CTNNA3: variants seen among roughly 807,000 people sequenced by gnomAD.
CTNNA3 encodes the protein catenin alpha-3.
Under a neutral mutation model 95.7 loss-of-function variants are expected in CTNNA3, and 76 were observed. The ratio of observed to expected loss-of-function variants is 0.79; its 90% CI spans 0.66 to 0.96. The LOEUF is 0.96. CTNNA3 is among the 40% of genes least tolerant of loss of function. CTNNA3 has a pLI of 0.00. For missense variants in CTNNA3, 1,191 were observed against 1,089.8 expected (o/e 1.09, Z -1.31); for synonymous variants, 431 against 374.4 (o/e 1.15, Z -1.74).
chr10:66,843,255 G>C (rs1175550928), intron 7 of CTNNA3, among the ~76,000 whole-genome samples: 1 of 152,062 alleles, frequency 6.6e-6, no homozygotes, highest in Admixed American at 6.6e-5. Context: ...GATCACAGGG[G>C]ATCAGTAGTT....
intron 13 of CTNNA3, among the ~76,000 whole-genome samples, chr10:66,179,662 C>G (rs981639362): frequency 2.0e-5 from 3 of 152,044 alleles, no homozygotes; most frequent in Admixed American, 2.0e-4. Context: ...CAAAGGAAAG[C>G]TCTTCTAGGT....
chr10:66,525,087 A>G (rs908441884), intron 10 of CTNNA3, among the ~76,000 whole-genome samples: 1 of 152,000 alleles, frequency 6.6e-6, no homozygotes, highest in Non-Finnish European at 1.5e-5. Flanking sequence ...AAAGAAAGAC[A>G]AAAATAAACA....
chr10:66,741,340 C>A (rs1849319711), intron 9 of CTNNA3, among the ~76,000 whole-genome samples: 1 of 152,030 alleles, frequency 6.6e-6, no homozygotes, highest in Non-Finnish European at 1.5e-5. Context: ...GCAGGTAAGT[C>A]AAAATACAAA....
chr10:66,075,331 T>A (rs1262733181), intron 14 of CTNNA3, among the ~76,000 whole-genome samples: 4 of 151,768 alleles, frequency 2.6e-5, no homozygotes, highest in Non-Finnish European at 5.9e-5. Flanking sequence ...CAGACCACCA[T>A]TCAAATTCCA....
intron 5 of CTNNA3, among the ~76,000 whole-genome samples, chr10:67,439,915 G>T (rs757745223): frequency 6.6e-6 from 1 of 152,158 alleles, no homozygotes; most frequent in Non-Finnish European, 1.5e-5. Context: ...CCAGCTGTGG[G>T]AACTATGGTG....
chr10:65,929,852 C>T lies in CTNNA3; in HGVS notation c.2401-9235G>A, dbSNP rs545841500. ...AAAGTGTTAGGATACAGGTGTGAGC[C>T]ACCGTGCCTGGCCAAAGCTATAGCT... On this transcript the variant is annotated intron_variant, in intron 17 of 17. Coordinates refer to ENST00000433211, the MANE Select transcript of CTNNA3 (RefSeq NM_013266.4). Among the ~76,000 whole-genome samples the T allele has an allele frequency of 2.0e-5, 3 of 152,232 alleles. No homozygotes were observed. The South Asian group carries it at 6.2e-4, about 32-fold the overall frequency.
At chr10:66,698,710 C>G (rs1847847172) in intron 9 of CTNNA3, among the ~76,000 whole-genome samples, 1 of 152,080 alleles carries the variant, frequency 6.6e-6, no homozygotes, top group South Asian at 2.1e-4. Flanking sequence ...ATATCAGGCC[C>G]TAAAGCCTAT....
At chr10:67,349,398 T>C (rs940401799) in intron 5 of CTNNA3, among the ~76,000 whole-genome samples, 2 of 152,138 alleles carry the variant, frequency 1.3e-5, no homozygotes, top group Non-Finnish European at 1.5e-5. Flanking sequence ...TTCTGCAATA[T>C]ATGACACCAG....
intron 10 of CTNNA3, among the ~76,000 whole-genome samples, chr10:66,564,868 G>A (rs1842658262): frequency 6.6e-6 from 1 of 152,154 alleles, no homozygotes; most frequent in Admixed American, 6.6e-5. Flanking sequence ...TTTTTCAAGT[G>A]AAAGAAATGA....
chr10:65,964,223 G>C (rs2077911197), intron 17 of CTNNA3, among the ~76,000 whole-genome samples: 1 of 152,184 alleles, frequency 6.6e-6, no homozygotes. Flanking sequence ...AGAGATTAAA[G>C]TAAGTGTGCT....
At chr10:67,480,031 C>T (rs191980438) in intron 5 of CTNNA3, among the ~76,000 whole-genome samples, 142 of 151,802 alleles carry the variant, frequency 9.4e-4, no homozygotes, top group Non-Finnish European at 1.8e-3. Context: ...AAGATTGAAT[C>T]GGGAAGAGAT....
At chr10:67,154,477 G>C (rs1161130802) in intron 7 of CTNNA3, among the ~76,000 whole-genome samples, 2 of 152,120 alleles carry the variant, frequency 1.3e-5, no homozygotes, top group African/African-American at 4.8e-5. Context: ...TCCAATAAGA[G>C]CTTTGCCTTT....
At chr10:67,212,932 C>T (rs1214785845) in intron 6 of CTNNA3, among the ~76,000 whole-genome samples, 2 of 151,818 alleles carry the variant, frequency 1.3e-5, no homozygotes, top group Admixed American at 6.6e-5. Flanking sequence ...CATCGTTTCA[C>T]ACTTGCTTCA....
In CTNNA3 at chr10:66,711,883, G is replaced by A. The variant is rs183760779; in HGVS notation, c.1281+54381C>T. ...CTATACCCAAACCTTACTTTCAAAA[G>A]TTCTTACCTTTCTTGTGTTTTTACT... On this transcript the variant is annotated intron_variant, in intron 9 of 17. Coordinates refer to ENST00000433211, the MANE Select transcript of CTNNA3 (RefSeq NM_013266.4). Among the ~76,000 whole-genome samples, 30 of 152,108 alleles carry A rather than the reference G, an allele frequency of 2.0e-4. No individual in the cohort carries two copies. In the East Asian group the frequency reaches 4.5e-3, roughly 23 times the overall value.
intron 13 of CTNNA3, among the ~76,000 whole-genome samples, chr10:66,128,469 T>TG (rs2082928509): frequency 6.6e-6 from 1 of 151,282 alleles, no homozygotes; most frequent in African/African-American, 2.4e-5. Context: ...GACACAAGCA[T>TG]GAAAAAAAAG....
intron 4 of CTNNA3, among the ~76,000 whole-genome samples, chr10:67,533,427 G>A (rs1840395796): frequency 6.6e-6 from 1 of 151,918 alleles, no homozygotes; most frequent in South Asian, 2.1e-4. Flanking sequence ...GTATCATAGA[G>A]ATAAACATTT....
At chr10:67,445,429 AGAAAC>A (rs931526819) in intron 5 of CTNNA3, among the ~76,000 whole-genome samples, 2 of 152,070 alleles carry the variant, frequency 1.3e-5, no homozygotes, top group Non-Finnish European at 2.9e-5. Context: ...GTTGCCTATA[AGAAAC>A]ACAAGAAAAG....
intron 5 of CTNNA3, among the ~76,000 whole-genome samples, chr10:67,387,117 G>A (rs529901077): frequency 3.3e-5 from 5 of 152,010 alleles, no homozygotes; most frequent in East Asian, 3.9e-4. Context: ...CGCAGAAGAC[G>A]GGTGATTTCT....
chr10:66,147,929 T>C lies in CTNNA3; in HGVS notation c.1885-44680A>G, dbSNP rs987637984. The stretch of plus-strand genomic sequence containing the variant: ...AATTTGTATAGAGACTGCTAGTTTA[T>C]TAATTTATCAAAATCCACATCACCA... On this transcript the variant is annotated intron_variant, in intron 13 of 17. Transcript: ENST00000433211. Among the ~76,000 whole-genome samples, 36 of 151,662 alleles carry C rather than the reference T, an allele frequency of 2.4e-4. 1 individual carries two copies. Among genetic ancestry groups the C allele is most frequent in the South Asian group, 6.2e-4 (3 of 4,812 alleles).
Sources: allele counts gnomAD v4.1 joint callset (sites outside exome capture counted in the v4.1 genomes callset), GRCh38; gene constraint gnomAD v4.1.1; transcripts MANE v1.5; gene names NCBI Gene and HGNC (gene_info 2026-07-23, HGNC 2026-07-21).